SH3GL2: variants seen among roughly 807,000 people sequenced by gnomAD.
SH3GL2 encodes the protein endophilin-A1.
A neutral mutation model predicts 46.0 loss-of-function variants in SH3GL2; 24 were observed. The ratio of observed to expected loss-of-function variants is 0.52; its 90% CI spans 0.38 to 0.73. The LOEUF is 0.73. Among genes scored for constraint, SH3GL2 ranks in the 30% least tolerant of loss-of-function variants. The pLI is 0.00. For synonymous variants in SH3GL2, 196 were observed against 147.1 expected (o/e 1.33, Z -2.40); for missense variants, 413 against 424.2 (o/e 0.97, Z 0.23).
chr9:17,604,075 C>G (rs184690338), intron 1 of SH3GL2, among the ~76,000 whole-genome samples: 1 of 152,304 alleles, frequency 6.6e-6, no homozygotes, highest in Admixed American at 6.5e-5. Flanking sequence ...ACGCTTGTTA[C>G]AAAACTGCTG....
chr9:17,685,421 A>G (rs1820877117), intron 1 of SH3GL2, among the ~76,000 whole-genome samples: 1 of 152,108 alleles, frequency 6.6e-6, no homozygotes, highest in African/African-American at 2.4e-5. Flanking sequence ...TTTTAAGCAT[A>G]TCTACAAAAT....
chr9:17,696,264 C>T (rs929831668), intron 1 of SH3GL2, among the ~76,000 whole-genome samples: 1 of 152,078 alleles, frequency 6.6e-6, no homozygotes, highest in Non-Finnish European at 1.5e-5. Flanking sequence ...ATAACTATTA[C>T]ATTTGTATTT....
intron 1 of SH3GL2, among the ~76,000 whole-genome samples, chr9:17,580,975 G>C (rs1169581614): frequency 1.3e-5 from 2 of 152,202 alleles, no homozygotes; most frequent in African/African-American, 2.4e-5. Context: ...TTCTGACCTT[G>C]AGAGAGTATT....
At chr9:17,752,009 T>C (rs1040000422) in intron 2 of SH3GL2, among the ~76,000 whole-genome samples, 1 of 150,560 alleles carries the variant, frequency 6.6e-6, no homozygotes, top group Non-Finnish European at 1.5e-5. Context: ...TTAAAGGTAA[T>C]GACCAAGAAG....
intron 3 of SH3GL2, among the ~76,000 whole-genome samples, chr9:17,773,274 G>C (rs1259354197): frequency 6.6e-6 from 1 of 152,030 alleles, no homozygotes. Flanking sequence ...TTTTTACTCA[G>C]TTTCTAGTGT....
At chr9:17,781,464 G>A (rs1384636990) in intron 3 of SH3GL2, among the ~76,000 whole-genome samples, 3 of 150,696 alleles carry the variant, frequency 2.0e-5, no homozygotes, top group South Asian at 4.2e-4. Flanking sequence ...TTCTTTTGCT[G>A]TGCAGAAGCT....
rs1822045178 is a variant in SH3GL2 at position 17,727,219 on chromosome 9, A to G, written c.46-19847A>G. 2.0e-5 allele frequency among the ~76,000 whole-genome samples: 3 copies of G among 152,310 alleles called. No individual in the cohort carries two copies. In the South Asian group the frequency reaches 6.2e-4, roughly 32 times the overall value. On this transcript the variant is annotated intron_variant, in intron 1 of 8. Coordinates refer to ENST00000380607, the MANE Select transcript of SH3GL2 (RefSeq NM_003026.5). ...AAGGTTGTATAAGGTTGTATGCGGT[A>G]TAGTATTTTATACTGTTTATGTAAG...
intron 1 of SH3GL2, among the ~76,000 whole-genome samples, chr9:17,686,576 T>C (rs996659450): frequency 6.8e-6 from 1 of 147,408 alleles, no homozygotes; most frequent in East Asian, 2.0e-4. Context: ...TGAGAAAATG[T>C]GGCACATATA....
chr9:17,642,303 G>A (rs570192349), intron 1 of SH3GL2, among the ~76,000 whole-genome samples: 2 of 152,220 alleles, frequency 1.3e-5, no homozygotes, highest in African/African-American at 2.4e-5. Context: ...CTCCCATTCT[G>A]TAGGTTGCCT....
At chr9:17,651,382 C>T (rs1819955572) in intron 1 of SH3GL2, among the ~76,000 whole-genome samples, 1 of 152,080 alleles carries the variant, frequency 6.6e-6, no homozygotes, top group Non-Finnish European at 1.5e-5. Context: ...TTTAAATGTC[C>T]TTTAAAGTTT....
chr9:17,746,611 A>C (rs1178225258), intron 1 of SH3GL2, among the ~76,000 whole-genome samples: 1 of 152,142 alleles, frequency 6.6e-6, no homozygotes, highest in Non-Finnish European at 1.5e-5. Flanking sequence ...TTTTCTTTTC[A>C]TAACAGTTTG....
intron 1 of SH3GL2, among the ~76,000 whole-genome samples, chr9:17,632,731 G>T (rs1819460403): frequency 1.3e-5 from 2 of 152,140 alleles, no homozygotes; most frequent in Admixed American, 1.3e-4. Context: ...CAGAGCACAA[G>T]TGACAGGCAA....
intron 3 of SH3GL2, among the ~76,000 whole-genome samples, chr9:17,765,639 A>G (rs1008800174): frequency 2.0e-5 from 3 of 152,230 alleles, no homozygotes; most frequent in Middle Eastern, 3.4e-3. Flanking sequence ...CCTTTCCCCA[A>G]CACCTTGCTA....
intron 1 of SH3GL2, among the ~76,000 whole-genome samples, chr9:17,719,369 G>T (rs1821837459): frequency 6.6e-6 from 1 of 152,146 alleles, no homozygotes; most frequent in Non-Finnish European, 1.5e-5. Flanking sequence ...CCTAATTCCA[G>T]TCAATGTTTT....
chr9:17,703,064 G>C (rs1214292079), intron 1 of SH3GL2, among the ~76,000 whole-genome samples: 1 of 151,992 alleles, frequency 6.6e-6, no homozygotes, highest in Non-Finnish European at 1.5e-5. Flanking sequence ...CCTCAAGATG[G>C]GGACACATCA....
chr9:17,704,846 A>G (rs983837335), intron 1 of SH3GL2, among the ~76,000 whole-genome samples: 10 of 152,116 alleles, frequency 6.6e-5, no homozygotes, highest in Non-Finnish European at 1.3e-4. Context: ...AGGATAACCT[A>G]GGACATGCTG....
intron 1 of SH3GL2, among the ~76,000 whole-genome samples, chr9:17,696,945 G>A (rs1321472606): frequency 6.6e-6 from 1 of 152,034 alleles, no homozygotes; most frequent in Non-Finnish European, 1.5e-5. Flanking sequence ...GACTTTTAAA[G>A]ACTGAACATG....
intron 1 of SH3GL2, among the ~76,000 whole-genome samples, chr9:17,706,181 G>C (rs1029349509): frequency 2.6e-5 from 4 of 151,966 alleles, no homozygotes; most frequent in African/African-American, 4.8e-5. Flanking sequence ...GTGGCAAAGG[G>C]ACATGCCCAA....
At chr9:17,626,080 A>C (rs985439050) in intron 1 of SH3GL2, among the ~76,000 whole-genome samples, 1 of 152,116 alleles carries the variant, frequency 6.6e-6, no homozygotes. Flanking sequence ...GGAGGTGTCC[A>C]CTTGGCTCTT....
Sources: gnomAD v4.1 joint callset for allele counts (sites outside exome capture counted in the v4.1 genomes callset) on GRCh38, gnomAD v4.1.1 for gene constraint, MANE v1.5 for transcripts, NCBI Gene and HGNC (gene_info 2026-07-23, HGNC 2026-07-21) for gene names.